The following ELOVL5 variants were observed in gnomAD, a reference collection of about 807,000 sequenced individuals.
ELOVL5 encodes very long chain fatty acid elongase 5.
ELOVL5 carries 8 observed loss-of-function variants against 38.6 expected under a neutral mutation model. The observed-to-expected ratio is 0.21, with a 90% CI of 0.12 to 0.37. ELOVL5 has a LOEUF of 0.37. Among genes scored for constraint, ELOVL5 ranks in the 10% least tolerant of loss-of-function variants. The pLI is 1.00. For synonymous variants in ELOVL5, 127 were observed against 133.7 expected, an observed-to-expected ratio of 0.95 and a Z score of 0.34; for missense variants, 280 against 367.8, an observed-to-expected ratio of 0.76 and a Z score of 1.95.
At position 53,268,336 on chromosome 6, in the gene ELOVL5, A is replaced by T. The variant is rs1169961131; in HGVS notation, c.*791T>A. On this transcript the variant is annotated 3_prime_UTR_variant, in exon 8 of 8. Coordinates refer to ENST00000304434, the MANE Select transcript of ELOVL5 (RefSeq NM_021814.5). The stretch of plus-strand genomic sequence containing the variant: ...AAAACACTTAGCACTTCAGAAATTA[A>T]AAATGGCCTACTCACCCTACACCCT... 6.6e-6 allele frequency: 1 copy of T among 152,230 alleles called. No homozygotes were observed. Among genetic ancestry groups the T allele is most frequent in the Non-Finnish European group, 1.5e-5 (1 of 68,046 alleles). 9.4% of individuals were successfully genotyped at this position (152,230 alleles called of 1,614,324 possible). A position where few individuals can be genotyped will look rare whatever the true frequency, so the allele number is the denominator to read the frequency against.
intron 1 of ELOVL5, among the ~76,000 whole-genome samples, chr6:53,321,965 G>C (rs1236745579): frequency 6.6e-6 from 1 of 152,188 alleles, no homozygotes; most frequent in African/African-American, 2.4e-5. Flanking sequence ...TTAGTACACA[G>C]TAAATAGAAC....
intron 5 of ELOVL5, 41 bp from the exon 6 acceptor site, chr6:53,273,385 GT>G (rs760945702): frequency 1.9e-6 from 3 of 1,575,202 alleles, no homozygotes; most frequent in African/African-American, 2.8e-5. Context: ...ATGTATTAGT[GT>G]TTTAAACAGA....
chr6:53,288,932 G>A (rs540565085), intron 3 of ELOVL5, among the ~76,000 whole-genome samples: 57 of 152,114 alleles, frequency 3.7e-4, no homozygotes, highest in Non-Finnish European at 6.9e-4. Context: ...TAGACGTGGT[G>A]GCATGCTCCT....
chr6:53,281,204 T>C (rs1766339338), intron 3 of ELOVL5, among the ~76,000 whole-genome samples: 1 of 152,198 alleles, frequency 6.6e-6, no homozygotes, highest in African/African-American at 2.4e-5. Flanking sequence ...TACTACCTCC[T>C]ATGCAGAAAT....
chr6:53,273,093 T>C lies in ELOVL5; in HGVS notation c.621+127A>G, dbSNP rs1192304992. 6.6e-6 allele frequency: 7 copies of C among 1,054,170 alleles called. No homozygotes were observed. In the East Asian group the frequency reaches 1.5e-4, roughly 22 times the overall value. 65.3% of individuals were successfully genotyped at this position (1,054,170 alleles called of 1,614,324 possible). ...TCCCTAATCTACCCACTTCAAGGAA[T>C]TTAATTACATCAAATGAAAAAGGGT... On this transcript the variant is annotated intron_variant, in intron 6 of 7. Coordinates refer to ENST00000304434, the MANE Select transcript of ELOVL5 (RefSeq NM_021814.5).
At chr6:53,310,716 C>A (rs149429825) in intron 1 of ELOVL5, among the ~76,000 whole-genome samples, 1 of 152,128 alleles carries the variant, frequency 6.6e-6, no homozygotes, top group Non-Finnish European at 1.5e-5. Context: ...GCTAGGATTA[C>A]GGGAGTGAGC....
At chr6:53,317,590 A>G (rs2127585445) in intron 1 of ELOVL5, among the ~76,000 whole-genome samples, 2 of 152,212 alleles carry the variant, frequency 1.3e-5, no homozygotes, top group East Asian at 3.9e-4. Context: ...TGGGAACTGA[A>G]CAATGAGAAC....
Position 53,305,533 on chromosome 6 carries a change from C to T in ELOVL5, c.-8-9826G>A, listed in dbSNP as rs1328323389. Among the ~76,000 whole-genome samples the T allele has an allele frequency of 7.0e-4, 104 of 148,886 alleles. 2 individuals carry two copies. Among genetic ancestry groups the T allele is most frequent in the Admixed American group, 6.8e-3 (103 of 15,122 alleles). On this transcript the variant is annotated intron_variant, in intron 1 of 7. Transcript: ENST00000304434. ...CTCCTCACTTCTCAGACGGGGCGGCCGGGCAGAGACGCTCCTCACCTCCCA... is the reference window on the plus strand; with the variant it reads ...CTCCTCACTTCTCAGACGGGGCGGCTGGGCAGAGACGCTCCTCACCTCCCA...
In ELOVL5 at chr6:53,269,010, T is replaced by C; in HGVS notation, c.*117A>G. On this transcript the variant is annotated 3_prime_UTR_variant, in exon 8 of 8. Coordinates refer to ENST00000304434, the MANE Select transcript of ELOVL5 (RefSeq NM_021814.5). Reference sequence around the variant, plus strand: ...TTGAATTGATGAAAGAAGTCCTACATGAATCACACTATTGTAGGCCAGACT... The same window carrying C: ...TTGAATTGATGAAAGAAGTCCTACACGAATCACACTATTGTAGGCCAGACT... 6.0e-6 allele frequency: 7 copies of C among 1,175,954 alleles called. No homozygotes were observed. In the South Asian group the frequency reaches 6.2e-5, roughly 10 times the overall value. The allele number at this position is 1,175,954 out of a possible 1,614,324, so 72.8% of individuals were successfully genotyped here. A position where few individuals can be genotyped will look rare whatever the true frequency, so the allele number is the denominator to read the frequency against.
intron 1 of ELOVL5, among the ~76,000 whole-genome samples, chr6:53,304,711 C>G (rs1767411254): frequency 1.3e-5 from 2 of 152,138 alleles, no homozygotes. Flanking sequence ...TGAGTGGACA[C>G]AGCACATGTT....
chr6:53,329,181 AACT>A (rs898773205), intron 1 of ELOVL5, among the ~76,000 whole-genome samples: 6 of 135,830 alleles, frequency 4.4e-5, no homozygotes, highest in African/African-American at 9.4e-5. Flanking sequence ...AAGTATAACT[AACT>A]ACTACTACTA....
chr6:53,269,221 T>C lies in ELOVL5; in HGVS notation c.806A>G (p.His269Arg). 2 of 1,613,678 alleles carry C rather than the reference T, an allele frequency of 1.2e-6. No homozygotes were observed. Among genetic ancestry groups the C allele is most frequent in the Non-Finnish European group, 1.7e-6 (2 of 1,179,702 alleles). ...ASRRKDHLKD[H>R]QNGSMAAVNG... ...CACAGCAGCCATGGACCCATTCTGG[T>C]GGTCCTTCAGGTGGTCTTTCCTTCG... Residue 269 changes from histidine (H) to arginine (R), a missense_variant, in exon 8 of 8, where the codon CAC becomes CGC. Physicochemically the swap from His to Arg is conservative, Grantham distance 29. Around this residue, in one of 3 missense-constraint regions of ELOVL5, gnomAD observed 125 missense variants for 158.9 expected, o/e 0.79. Coordinates refer to ENST00000304434, the MANE Select transcript of ELOVL5 (RefSeq NM_021814.5).
intron 1 of ELOVL5, among the ~76,000 whole-genome samples, chr6:53,303,071 G>C (rs1166223369): frequency 2.0e-5 from 3 of 152,102 alleles, no homozygotes; most frequent in Admixed American, 6.5e-5. Context: ...CTTCAAGTTG[G>C]CTGCCAGTTA....
intron 1 of ELOVL5, chr6:53,336,804 C>G (rs182289508): frequency 6.6e-6 from 1 of 152,212 alleles, no homozygotes; most frequent in African/African-American, 2.4e-5. Context: ...TGCAGGTAAG[C>G]AAGGCCCTTT....
chr6:53,281,000 T>G (rs778670523), intron 3 of ELOVL5, among the ~76,000 whole-genome samples: 1 of 152,164 alleles, frequency 6.6e-6, no homozygotes, highest in Non-Finnish European at 1.5e-5. Context: ...CATGGCACTT[T>G]CTGGAATGCT....
chr6:53,339,531 G>A (rs753302735), intron 1 of ELOVL5, among the ~76,000 whole-genome samples: 7 of 152,248 alleles, frequency 4.6e-5, no homozygotes, highest in East Asian at 1.9e-4. Flanking sequence ...GTCACGCATC[G>A]CATAATGACC....
chr6:53,290,073 G>C (rs1766717997), intron 3 of ELOVL5: 1 of 152,124 alleles, frequency 6.6e-6, no homozygotes, highest in Non-Finnish European at 1.5e-5. Flanking sequence ...TTCTCACCAA[G>C]CTATCAGAGG....
chr6:53,333,700 T>A (rs910623977), intron 1 of ELOVL5, among the ~76,000 whole-genome samples: 2 of 152,234 alleles, frequency 1.3e-5, no homozygotes, highest in African/African-American at 2.4e-5. Context: ...TGTTTTAACC[T>A]TATTTCCCTT....
At chr6:53,285,032 T>C (rs1299521865) in intron 3 of ELOVL5, among the ~76,000 whole-genome samples, 1 of 152,182 alleles carries the variant, frequency 6.6e-6, no homozygotes, top group East Asian at 1.9e-4. Flanking sequence ...TTAATAATCC[T>C]ACAATGGCCT....
Sources: gnomAD v4.1 joint callset for allele counts (sites outside exome capture counted in the v4.1 genomes callset) on GRCh38, gnomAD v4.1.1 for gene constraint, gnomAD v4.1.1 regional missense constraint, MANE v1.5 for transcripts, NCBI Gene and HGNC (gene_info 2026-07-23, HGNC 2026-07-21) for gene names.